PHKA2: variants seen among roughly 807,000 people sequenced by gnomAD.
PHKA2 encodes the protein phosphorylase b kinase regulatory subunit alpha, liver isoform.
In PHKA2, 31 loss-of-function variants were observed where a neutral mutation model predicts 102.0. That is an observed-to-expected ratio of 0.30 (90% CI 0.23 to 0.41). The LOEUF (loss-of-function observed/expected upper bound fraction) is 0.41, where lower values mean the gene tolerates loss of function less well. Among genes scored for constraint, PHKA2 ranks in the 10% least tolerant of loss-of-function variants. The probability of loss-of-function intolerance (pLI) is 1.00; values close to 1 mark genes in which losing one functional copy is unlikely to be tolerated. For missense variants in PHKA2, 858 were observed against 1,023.1 expected (o/e 0.84, Z 2.20); for synonymous variants, 455 against 416.2 (o/e 1.09, Z -1.13).
At chrX:18,935,679 T>TGCAACCTCCACCTC (rs1435314238) in intron 11 of PHKA2, among the ~76,000 whole-genome samples, 1 of 108,064 alleles carries the variant, frequency 9.3e-6, no homozygotes, top group Non-Finnish European at 1.9e-5. Context: ...CTCGGCTCAT[T>TGCAACCTCCACCTC]GCAACCTCCA....
At chrX:18,953,857 T>A (rs1381123221) in intron 2 of PHKA2, among the ~76,000 whole-genome samples, 1 of 110,378 alleles carries the variant, frequency 9.1e-6, no homozygotes, top group Non-Finnish European at 1.9e-5. Context: ...GTGGTGGCAG[T>A]CGCCTGTAAT....
At chrX:18,922,116 C>T (rs1003513115) in intron 17 of PHKA2, among the ~76,000 whole-genome samples, 7 of 111,170 alleles carry the variant, frequency 6.3e-5, no homozygotes, top group African/African-American at 2.3e-4. Flanking sequence ...TGTGGTGGCA[C>T]ATGCCTGTGA....
At chrX:18,939,517 G>T (rs764694920) in intron 9 of PHKA2, among the ~76,000 whole-genome samples, 1 of 110,060 alleles carries the variant, frequency 9.1e-6, no homozygotes, top group Non-Finnish European at 1.9e-5. Context: ...TTTTTGAGAC[G>T]GAGTCTCATT....
At chrX:18,969,778 G>A (rs1483251893) in intron 1 of PHKA2, among the ~76,000 whole-genome samples, 2 of 112,005 alleles carry the variant, frequency 1.8e-5, no homozygotes, top group East Asian at 2.8e-4. Context: ...TCCAAAGCCG[G>A]AGTGTATTTT....
chrX:18,915,952 G>C, intron 19 of PHKA2, among the ~76,000 whole-genome samples: 1 of 111,757 alleles, frequency 8.9e-6, no homozygotes, highest in Non-Finnish European at 1.9e-5. Flanking sequence ...AAACTTTACA[G>C]GACTGAAAAA....
Position 18,972,784 on chromosome X carries a change from A to C in PHKA2, c.78+11071T>G, listed in dbSNP as rs184691671. Among the ~76,000 whole-genome samples, 79 of 111,253 alleles carry C rather than the reference A, an allele frequency of 7.1e-4. No homozygotes were observed. The South Asian group carries it at 0.028, about 39-fold the overall frequency. On this transcript the variant is annotated intron_variant, in intron 1 of 32. Transcript: ENST00000379942. Reference sequence around the variant, plus strand: ...CCAGTCACTTTGGGTTTTCTGTAGCACTTTTTTCCTGCAAATAATAATCTC... The same window carrying C: ...CCAGTCACTTTGGGTTTTCTGTAGCCCTTTTTTCCTGCAAATAATAATCTC...
Position 18,983,748 on chromosome X carries a change from A to G in PHKA2, c.78+107T>C, listed in dbSNP as rs765435245. 77 of 674,593 alleles carry G rather than the reference A, an allele frequency of 1.1e-4. No individual in the cohort carries two copies. The East Asian group carries it at 2.2e-3, about 19-fold the overall frequency. 55.6% of individuals were successfully genotyped at this position (674,593 alleles called of 1,213,427 possible). On this transcript the variant is annotated intron_variant, in intron 1 of 32. Transcript: ENST00000379942. ...AGCAAGGACTAGATTCAAATAGCAA[A>G]CTCTTAATTGCAAGGTCTCAGGTCA...
intron 11 of PHKA2, among the ~76,000 whole-genome samples, chrX:18,934,153 G>A (rs944824300): frequency 2.1e-4 from 23 of 112,093 alleles, no homozygotes; most frequent in South Asian, 7.4e-4. Flanking sequence ...ACATGTAGCT[G>A]CTGGAAGGTA....
At chrX:18,983,275 G>C (rs1190135362) in intron 1 of PHKA2, among the ~76,000 whole-genome samples, 1 of 112,653 alleles carries the variant, frequency 8.9e-6, no homozygotes, top group African/African-American at 3.2e-5. Flanking sequence ...GGACCACATG[G>C]GCAGTGTCAT....
Position 18,908,827 on chromosome X carries a change from G to A in PHKA2, c.2334C>T (p.Asp778=), listed in dbSNP as rs764596761. Residue 778 remains aspartate, a synonymous_variant, in exon 21 of 33, where the codon GAC becomes GAT. Transcript: ENST00000379942. ...KDCSNLQDQA[D]ILYILYVIKG... ...TTATGACATAAAGAATGTACAGAAT[G>A]TCTGCTTGGTCCTGTAGGTTCGAAC... 3.3e-6 allele frequency: 4 copies of A among 1,207,404 alleles called. No individual in the cohort carries two copies. The South Asian group carries it at 7.0e-5, about 21-fold the overall frequency.
At chrX:18,957,529 A>G (rs1010171139) in intron 1 of PHKA2, among the ~76,000 whole-genome samples, 38 of 111,025 alleles carry the variant, frequency 3.4e-4, no homozygotes, top group Non-Finnish European at 6.4e-4. Flanking sequence ...TTGCTTTCCA[A>G]TCTTTGAAAA....
chrX:18,969,532 TTTC>T (rs760499907), intron 1 of PHKA2, among the ~76,000 whole-genome samples: 3 of 112,202 alleles, frequency 2.7e-5, no homozygotes, highest in African/African-American at 6.5e-5. Flanking sequence ...TTTTTTTCCT[TTTC>T]TTCTTTTTTT....
At chrX:18,953,335 T>C (rs1284109510) in intron 2 of PHKA2, among the ~76,000 whole-genome samples, 1 of 112,098 alleles carries the variant, frequency 8.9e-6, no homozygotes, top group Non-Finnish European at 1.9e-5. Context: ...TAAAAGGACT[T>C]CATTGTCCTG....
Position 18,924,795 on chromosome X carries a change from C to G in PHKA2, c.1570-270G>C, listed in dbSNP as rs767102952. 8.7e-4 allele frequency among the ~76,000 whole-genome samples: 97 copies of G among 111,948 alleles called. 1 individual carries two copies. Among genetic ancestry groups the G allele is most frequent in the Non-Finnish European group, 1.4e-3 (77 of 53,167 alleles). On this transcript the variant is annotated intron_variant, in intron 15 of 32. Transcript: ENST00000379942. ...CAGATGGGGATTTAAGCATCTTGCCCAACACTGCTGTCTCTGAAAGCAAAT... is the reference window on the plus strand; with the variant it reads ...CAGATGGGGATTTAAGCATCTTGCCGAACACTGCTGTCTCTGAAAGCAAAT...
At chrX:18,918,633 T>C (rs779334902) in intron 19 of PHKA2, 48 bp downstream of exon 19, 3 of 1,112,832 alleles carry the variant, frequency 2.7e-6, no homozygotes, top group South Asian at 3.6e-5. Context: ...CTGCATTACT[T>C]TGATAAAAGA....
chrX:18,940,938 G>C (rs2048480159), intron 8 of PHKA2, among the ~76,000 whole-genome samples: 1 of 112,138 alleles, frequency 8.9e-6, no homozygotes, highest in Non-Finnish European at 1.9e-5. Flanking sequence ...TTGGGAATAT[G>C]ATTGGAGACA....
intron 1 of PHKA2, among the ~76,000 whole-genome samples, chrX:18,957,761 A>ATATATATATATATATATATATATAT (rs2048805796): frequency 1.1e-5 from 1 of 94,535 alleles, no homozygotes; most frequent in African/African-American, 5.0e-5. Context: ...TATATATATA[A>ATATATATATATATATATATATATAT]TTGTACCCCT....
chrX:18,935,054 C>T (rs1471216079), intron 11 of PHKA2, among the ~76,000 whole-genome samples: 1 of 112,494 alleles, frequency 8.9e-6, no homozygotes. Flanking sequence ...TGGCTTACAA[C>T]CTCCTCCAGG....
At chrX:18,975,607 T>C (rs1278426188) in intron 1 of PHKA2, among the ~76,000 whole-genome samples, 1 of 112,462 alleles carries the variant, frequency 8.9e-6, no homozygotes, top group Admixed American at 9.4e-5. Flanking sequence ...TAAATGGTAA[T>C]TCCATCCTAA....
Sources: allele counts gnomAD v4.1 joint callset (sites outside exome capture counted in the v4.1 genomes callset), GRCh38; gene constraint gnomAD v4.1.1; transcripts MANE v1.5; gene names NCBI Gene and HGNC (gene_info 2026-07-23, HGNC 2026-07-21).